UBL3: variants seen among roughly 807,000 people sequenced by gnomAD.
The protein encoded by UBL3 is ubiquitin-like protein 3.
A neutral mutation model predicts 18.4 loss-of-function variants in UBL3; 6 were observed. The observed-to-expected ratio is 0.33, with a 90% confidence interval of 0.18 to 0.64. The LOEUF (loss-of-function observed/expected upper bound fraction) is 0.64. Among genes scored for constraint, UBL3 ranks in the 30% least tolerant of loss-of-function variants. The pLI, the probability that UBL3 is intolerant of heterozygous loss-of-function variation, is 0.76. For synonymous variants in UBL3, 49 were observed against 46.6 expected (o/e 1.05, Z -0.21); for missense variants, 109 against 142.9 (o/e 0.76, Z 1.21).
At chr13:29,797,972 C>T (rs1231821199) in intron 1 of UBL3, among the ~76,000 whole-genome samples, 4 of 151,710 alleles carry the variant, frequency 2.6e-5, no homozygotes, top group East Asian at 1.9e-4. Context: ...TTTTCTTTTC[C>T]ACCATTACCC....
intron 1 of UBL3, among the ~76,000 whole-genome samples, chr13:29,809,403 C>A (rs11843295): frequency 0.03 from 4,636 of 152,182 alleles, 233 homozygotes; most frequent in African/African-American, 0.11. Context: ...ATAAATAAAT[C>A]AGCACAGAAT....
chr13:29,788,073 T>G (rs1345270082), intron 1 of UBL3, among the ~76,000 whole-genome samples: 1 of 152,200 alleles, frequency 6.6e-6, no homozygotes, highest in Non-Finnish European at 1.5e-5. Context: ...ACCCGTTTTC[T>G]TTTGAATAGT....
chr13:29,802,039 A>G (rs980335260), intron 1 of UBL3, among the ~76,000 whole-genome samples: 9 of 152,200 alleles, frequency 5.9e-5, no homozygotes, highest in African/African-American at 2.2e-4. Context: ...CTTAAGTGGG[A>G]GAGGAGCCCA....
At chr13:29,841,512 T>C (rs1879098011) in intron 1 of UBL3, among the ~76,000 whole-genome samples, 1 of 152,160 alleles carries the variant, frequency 6.6e-6, no homozygotes, top group South Asian at 2.1e-4. Context: ...ACAACCAACC[T>C]TAATTAAAAT....
chr13:29,833,360 TG>T (rs1878831947), intron 1 of UBL3, among the ~76,000 whole-genome samples: 1 of 152,310 alleles, frequency 6.6e-6, no homozygotes, highest in African/African-American at 2.4e-5. Flanking sequence ...GCTTTATTGA[TG>T]GGATCTATCT....
chr13:29,776,261 C>CTTTTTTTTTTTTTTTT (rs5741722), intron 2 of UBL3, among the ~76,000 whole-genome samples: 1 of 91,700 alleles, frequency 1.1e-5, no homozygotes, highest in African/African-American at 4.2e-5. Context: ...TCTTTTCTTT[C>CTTTTTTTTTTTTTTTT]TTTTTTTTTT....
rs1272100315 is a variant in UBL3, at chr13:29,850,582, G to GGCA, written c.-1047_-1045dup. ...TCATCGCCTCTCAAACCAACATGGC[G>GGCA]GCAGCGGCGGCGGCGGCGGCTGCCT... On this transcript the variant is annotated 5_prime_UTR_variant, in exon 1 of 5. Transcript: ENST00000380680. The GGCA allele has an allele frequency of 6.4e-6, 1 of 155,740 alleles. No homozygotes were observed. The highest frequency in any genetic ancestry group is 1.4e-5 in the Non-Finnish European group (1 of 71,376). The allele number at this position is 155,740 out of a possible 1,614,324, so 9.6% of individuals were successfully genotyped here.
Position 29,777,255 on chromosome 13 carries a change from C to T in UBL3, c.36G>A (p.Leu12=). 1 of 1,603,690 alleles carries T rather than the reference C, an allele frequency of 6.2e-7. No homozygotes were observed. The highest frequency in any genetic ancestry group is 8.5e-7 in the Non-Finnish European group (1 of 1,175,828). Residue 12 remains leucine (L), a synonymous_variant, in exon 2 of 5, where the codon TTG becomes TTA. Transcript: ENST00000380680. ...TTTTTCCGCTTACCAAAATGAGGCG[C>T]AAATTTATCTGAAAGAAGACAATGA... ...SSNVPADMIN[L]RLILVSGKTK... is the part of the protein sequence containing the mutation.
intron 1 of UBL3, among the ~76,000 whole-genome samples, chr13:29,822,235 G>A (rs892982071): frequency 1.3e-5 from 2 of 152,152 alleles, no homozygotes; most frequent in African/African-American, 4.8e-5. Flanking sequence ...GGGGGAGTAA[G>A]TAAAATATAA....
intron 1 of UBL3, among the ~76,000 whole-genome samples, chr13:29,796,349 A>G (rs1473176861): frequency 6.6e-6 from 1 of 152,202 alleles, no homozygotes; most frequent in Non-Finnish European, 1.5e-5. Context: ...AAATCTGTCA[A>G]AATGTATCAC....
chr13:29,834,778 G>T (rs1017917404), intron 1 of UBL3, among the ~76,000 whole-genome samples: 1 of 151,920 alleles, frequency 6.6e-6, no homozygotes, highest in Non-Finnish European at 1.5e-5. Flanking sequence ...TGGTCAAAAA[G>T]TTAGAAAAGT....
intron 1 of UBL3, among the ~76,000 whole-genome samples, chr13:29,786,296 T>C (rs192542263): frequency 1.3e-5 from 2 of 152,330 alleles, no homozygotes; most frequent in East Asian, 1.9e-4. Flanking sequence ...CACAGGGGTC[T>C]TTCAGTCAAA....
chr13:29,817,209 G>T (rs1878304257), intron 1 of UBL3, among the ~76,000 whole-genome samples: 1 of 152,140 alleles, frequency 6.6e-6, no homozygotes, highest in Non-Finnish European at 1.5e-5. Flanking sequence ...ATAAATAAAA[G>T]CATTTTCTAG....
chr13:29,775,259 A>G (rs915165682), intron 2 of UBL3, among the ~76,000 whole-genome samples: 3 of 152,232 alleles, frequency 2.0e-5, no homozygotes, highest in Non-Finnish European at 2.9e-5. Flanking sequence ...ATGATTGTGT[A>G]TATGAGTTAA....
intron 1 of UBL3, among the ~76,000 whole-genome samples, chr13:29,797,544 A>G (rs1471539319): frequency 4.6e-5 from 7 of 152,112 alleles, no homozygotes; most frequent in African/African-American, 1.7e-4. Context: ...TTGCCATTAC[A>G]TTTTTACCAA....
chr13:29,821,405 G>C lies in UBL3; in HGVS notation c.27+28107C>G, dbSNP rs74044757. 5.6e-3 allele frequency among the ~76,000 whole-genome samples: 858 copies of C among 152,202 alleles called. 9 individuals are homozygous for C. Among genetic ancestry groups the C allele is most frequent in the African/African-American group, 0.02 (842 of 41,544 alleles). On this transcript the variant is annotated intron_variant, in intron 1 of 4. Transcript: ENST00000380680. Reference sequence around the variant, plus strand: ...TCTTTATTTTTTACAGCTGTACTGCGTCATGTCATAGTAATCACAACTCTT... The same window carrying C: ...TCTTTATTTTTTACAGCTGTACTGCCTCATGTCATAGTAATCACAACTCTT...
Position 29,849,521 on chromosome 13 carries a change from C to A in UBL3, c.18G>T (p.Pro6=). The A allele has an allele frequency of 6.2e-7, 1 of 1,613,960 alleles. No individual in the cohort carries two copies. The highest frequency in any genetic ancestry group is 8.5e-7 in the Non-Finnish European group (1 of 1,180,026). MSSNV[P]ADMINLRLIL... ...CTTATCCGTCACTTACCATATCCGC[C>A]GGGACATTACTGGACATCTTGCCGT... is the stretch of plus-strand genomic sequence containing the variant. Residue 6 remains proline (P), a synonymous_variant, in exon 1 of 5, where the codon CCG becomes CCT. Coordinates refer to ENST00000380680, the MANE Select transcript of UBL3 (RefSeq NM_007106.4).
At chr13:29,785,855 TA>T (rs1209700934) in intron 1 of UBL3, among the ~76,000 whole-genome samples, 1 of 152,194 alleles carries the variant, frequency 6.6e-6, no homozygotes, top group East Asian at 1.9e-4. Flanking sequence ...GAGGGATAGT[TA>T]GGATATGTAA....
intron 1 of UBL3, among the ~76,000 whole-genome samples, chr13:29,832,300 A>G (rs1034330503): frequency 2.0e-5 from 3 of 151,986 alleles, no homozygotes; most frequent in Non-Finnish European, 2.9e-5. Context: ...TTTCAGACCA[A>G]TTAGCTAAGA....
Sources: allele counts gnomAD v4.1 joint callset (sites outside exome capture counted in the v4.1 genomes callset), GRCh38; gene constraint gnomAD v4.1.1; transcripts MANE v1.5; gene names NCBI Gene and HGNC (gene_info 2026-07-23, HGNC 2026-07-21).